Variants in TRAPPC8 observed in about 807,000 individuals in gnomAD.
The protein encoded by TRAPPC8 is trafficking protein particle complex subunit 8.
TRAPPC8 carries 54 observed loss-of-function variants against 174.3 expected under a neutral mutation model. That is an observed-to-expected ratio of 0.31 (90% confidence interval 0.25 to 0.39). The LOEUF (loss-of-function observed/expected upper bound fraction) is 0.39. Ranked by LOEUF, TRAPPC8 falls within the 10% of genes least tolerant of loss-of-function variation. The pLI, the probability that TRAPPC8 is intolerant of heterozygous loss-of-function variation, is 1.00. For synonymous variants in TRAPPC8, 630 were observed against 579.9 expected, an observed-to-expected ratio of 1.09 and a Z score of -1.24; for missense variants, 1,531 against 1,699.1, an observed-to-expected ratio of 0.90 and a Z score of 1.74.
chr18:31,852,193 T>C (rs2033740845), intron 24 of TRAPPC8, among the ~76,000 whole-genome samples: 1 of 151,594 alleles, frequency 6.6e-6, no homozygotes, highest in African/African-American at 2.4e-5. Flanking sequence ...ATAAAAAAAC[T>C]AGCCAGGTGT....
At chr18:31,910,805 A>G (rs777790613) in intron 5 of TRAPPC8, among the ~76,000 whole-genome samples, 1 of 152,254 alleles carries the variant, frequency 6.6e-6, no homozygotes, top group African/African-American at 2.4e-5. Flanking sequence ...GCTTTCTGCT[A>G]AAAGTTCTCA....
intron 6 of TRAPPC8, 48 bp downstream of exon 6, chr18:31,909,619 G>A (rs747318038): frequency 1.3e-6 from 2 of 1,574,452 alleles, no homozygotes; most frequent in South Asian, 2.4e-5. Context: ...TCTGACAACA[G>A]TGCATATTTT....
intron 2 of TRAPPC8, among the ~76,000 whole-genome samples, chr18:31,917,996 C>T (rs571494639): frequency 5.3e-5 from 8 of 152,042 alleles, no homozygotes; most frequent in African/African-American, 1.9e-4. Flanking sequence ...CATGGTGGCA[C>T]GTGACTGTAA....
chr18:31,869,046 T>C (rs546432039), intron 16 of TRAPPC8, among the ~76,000 whole-genome samples: 7 of 151,830 alleles, frequency 4.6e-5, no homozygotes, highest in South Asian at 2.1e-4. Context: ...AGCAAGGTAG[T>C]ATAAAAAAAG....
rs2033602242 is a variant in TRAPPC8 at position 31,849,648 on chromosome 18, G to A, written c.3653C>T (p.Thr1218Ile). 1 of 1,612,768 alleles carries A rather than the reference G, an allele frequency of 6.2e-7. No individual in the cohort carries two copies. Among genetic ancestry groups the A allele is most frequent in the Non-Finnish European group, 8.5e-7 (1 of 1,179,494 alleles). ...KKPQAHLPVH[T>I]EKQSTEDAVR... The stretch of plus-strand genomic sequence containing the variant: ...AGCATCCTCTGTTGACTGTTTTTCT[G>A]TATGCACAGGCAAGTGAGCTTGTGG... The change falls in exon 25 of 29, where the codon ACA becomes ATA. Residue 1218 changes from threonine to isoleucine, a missense_variant. Coordinates refer to ENST00000283351, the MANE Select transcript of TRAPPC8 (RefSeq NM_014939.5).
At chr18:31,866,733 G>T in intron 18 of TRAPPC8, 116 bp downstream of exon 18, 1 of 1,178,256 alleles carries the variant, frequency 8.5e-7, no homozygotes, top group Non-Finnish European at 1.1e-6. Flanking sequence ...CTGGCTAAAT[G>T]TCTTTACTTA....
At chr18:31,938,351 T>A (rs895794384) in intron 1 of TRAPPC8, among the ~76,000 whole-genome samples, 5 of 151,372 alleles carry the variant, frequency 3.3e-5, no homozygotes, top group Non-Finnish European at 5.9e-5. Context: ...TATAATAAAT[T>A]TAATTATATA....
Position 31,839,360 on chromosome 18 carries a change from G to A in TRAPPC8, c.3935C>T (p.Thr1312Met), listed in dbSNP as rs369850024. The change falls in exon 27 of 29, where the codon ACG becomes ATG. Residue 1312 changes from threonine to methionine, a missense_variant. Physicochemically the swap from Thr to Met is moderately conservative, Grantham distance 81 (BLOSUM62 -1). Coordinates refer to ENST00000283351, the MANE Select transcript of TRAPPC8 (RefSeq NM_014939.5). ...SVEQLSSLIK[T>M]SLHYPESFNH... is the part of the protein sequence containing the mutation. ...AAATGATTCTGGGTAGTGAAGACTC[G>A]TTTTAATGAGACTAGAAAGCTGCTC... is the stretch of plus-strand genomic sequence containing the variant. 41 of 1,611,656 alleles carry A rather than the reference G, an allele frequency of 2.5e-5. No homozygotes were observed. Among genetic ancestry groups the A allele is most frequent in the Non-Finnish European group, 3.0e-5 (35 of 1,179,040 alleles).
intron 4 of TRAPPC8, among the ~76,000 whole-genome samples, chr18:31,914,949 A>G (rs948461397): frequency 6.6e-6 from 1 of 152,226 alleles, no homozygotes; most frequent in Admixed American, 6.5e-5. Flanking sequence ...TCAAGGCTAT[A>G]AATATGAAGT....
intron 4 of TRAPPC8, among the ~76,000 whole-genome samples, chr18:31,915,265 A>G (rs1325965295): frequency 1.3e-5 from 2 of 148,874 alleles, no homozygotes; most frequent in African/African-American, 5.0e-5. Flanking sequence ...GTTCCAGAGC[A>G]GCCTGGCCTA....
At chr18:31,939,494 CA>C (rs2038240546) in intron 1 of TRAPPC8, 2 of 152,282 alleles carry the variant, frequency 1.3e-5, no homozygotes, top group South Asian at 4.1e-4. Flanking sequence ...CCCTGTTTCC[CA>C]ACCATTCAGT....
chr18:31,909,656 T>C lies in TRAPPC8; in HGVS notation c.865+11A>G. The C allele has an allele frequency of 6.3e-7, 1 of 1,587,200 alleles. No individual in the cohort carries two copies. Among genetic ancestry groups the C allele is most frequent in the Non-Finnish European group, 8.5e-7 (1 of 1,172,768 alleles). ...AATCAAAAGAGAAACTTAGAGAAAA[T>C]ATATCAAGACCTTTGACTTCGTTAT... is the stretch of plus-strand genomic sequence containing the variant. On this transcript the variant is annotated intron_variant, in intron 6 of 28. Transcript: ENST00000283351.
chr18:31,856,807 C>CTTTTTTTTT (rs79712667), intron 20 of TRAPPC8, among the ~76,000 whole-genome samples: 2 of 109,940 alleles, frequency 1.8e-5, no homozygotes, highest in South Asian at 3.0e-4. Context: ...ATGCTAAAAT[C>CTTTTTTTTT]TTTTTTTTTT....
At chr18:31,918,628 G>A (rs1319152837) in intron 2 of TRAPPC8, among the ~76,000 whole-genome samples, 2 of 152,174 alleles carry the variant, frequency 1.3e-5, no homozygotes, top group Non-Finnish European at 2.9e-5. Context: ...GATATGGCTG[G>A]TAAATCTTAC....
intron 26 of TRAPPC8, among the ~76,000 whole-genome samples, chr18:31,841,330 T>C (rs2033085844): frequency 1.3e-5 from 2 of 152,108 alleles, no homozygotes; most frequent in Non-Finnish European, 2.9e-5. Flanking sequence ...TGTGGATATT[T>C]TGCTTTTTTG....
intron 27 of TRAPPC8, among the ~76,000 whole-genome samples, chr18:31,838,663 T>G (rs1039013120): frequency 6.6e-6 from 1 of 152,224 alleles, no homozygotes. Context: ...ATCTCCTTAT[T>G]GTCAGATCCA....
chr18:31,852,352 C>T (rs111512055), intron 24 of TRAPPC8, 94 bp downstream of exon 24: 31 of 1,421,922 alleles, frequency 2.2e-5, no homozygotes, highest in Non-Finnish European at 2.8e-5. Flanking sequence ...CAAAAAAAAG[C>T]GTTTGGGAAT....
chr18:31,875,194 T>C (rs191230985), intron 12 of TRAPPC8, among the ~76,000 whole-genome samples: 1 of 151,934 alleles, frequency 6.6e-6, no homozygotes, highest in Admixed American at 6.6e-5. Context: ...CTACAAAGAG[T>C]TTCTCCATAT....
intron 12 of TRAPPC8, among the ~76,000 whole-genome samples, chr18:31,875,932 GA>G (rs1020185644): frequency 3.9e-5 from 6 of 152,128 alleles, no homozygotes; most frequent in African/African-American, 1.4e-4. Context: ...GATAGAGAAT[GA>G]AGTTGATTAA....
Sources: allele counts gnomAD v4.1 joint callset (sites outside exome capture counted in the v4.1 genomes callset), GRCh38; gene constraint gnomAD v4.1.1; transcripts MANE v1.5; gene names NCBI Gene and HGNC (gene_info 2026-07-23, HGNC 2026-07-21).